The following SAV1 variants were observed in gnomAD, a reference collection of about 807,000 sequenced individuals.
SAV1 encodes the protein protein salvador homolog 1.
Under a neutral mutation model 47.3 loss-of-function variants are expected in SAV1, and 23 were observed. The ratio of observed to expected loss-of-function variants is 0.49; its 90% CI spans 0.35 to 0.69. The LOEUF is 0.69. Among genes scored for constraint, SAV1 ranks in the 30% least tolerant of loss-of-function variants. The pLI is 0.01. For missense variants in SAV1, 448 were observed against 457.4 expected, an observed-to-expected ratio of 0.98 and a Z score of 0.19; for synonymous variants, 155 against 159.2, an observed-to-expected ratio of 0.97 and a Z score of 0.20.
chr14:50,658,264 C>T (rs1393480073), intron 2 of SAV1, among the ~76,000 whole-genome samples: 1 of 152,124 alleles, frequency 6.6e-6, no homozygotes, highest in African/African-American at 2.4e-5. Flanking sequence ...TTTTTGTATC[C>T]TGATTTCTTT....
chr14:50,638,672 C>T (rs185812533), intron 4 of SAV1, among the ~76,000 whole-genome samples: 3 of 152,328 alleles, frequency 2.0e-5, no homozygotes, highest in African/African-American at 7.2e-5. Context: ...CCCTGCCACA[C>T]ACTGCTGAGG....
At chr14:50,651,950 C>T (rs1416984923) in intron 2 of SAV1, among the ~76,000 whole-genome samples, 3 of 152,168 alleles carry the variant, frequency 2.0e-5, no homozygotes, top group African/African-American at 4.8e-5. Context: ...ATAAATTGTA[C>T]TTCCTCATCG....
chr14:50,664,060 C>CT (rs1222152777), intron 2 of SAV1, among the ~76,000 whole-genome samples: 1 of 152,174 alleles, frequency 6.6e-6, no homozygotes, highest in Non-Finnish European at 1.5e-5. Context: ...TGAATCATCT[C>CT]TTTAAGTATT....
intron 1 of SAV1, among the ~76,000 whole-genome samples, chr14:50,665,985 GAT>G (rs1285541715): frequency 6.6e-6 from 1 of 152,122 alleles, no homozygotes; most frequent in African/African-American, 2.4e-5. Flanking sequence ...ATAACAAATT[GAT>G]AGTTTCTAGT....
intron 2 of SAV1, among the ~76,000 whole-genome samples, chr14:50,652,753 G>A (rs1220122795): frequency 6.6e-6 from 1 of 152,230 alleles, no homozygotes; most frequent in African/African-American, 2.4e-5. Context: ...AAAAAAGGCT[G>A]GGCACAGTGG....
chr14:50,666,291 T>C (rs1266386891), intron 1 of SAV1, among the ~76,000 whole-genome samples: 1 of 152,218 alleles, frequency 6.6e-6, no homozygotes, highest in Non-Finnish European at 1.5e-5. Flanking sequence ...CCTGAAACTA[T>C]GTAATTATAA....
intron 2 of SAV1, among the ~76,000 whole-genome samples, chr14:50,656,623 T>C (rs577335662): frequency 9.6e-4 from 146 of 152,126 alleles, no homozygotes; most frequent in Middle Eastern, 3.4e-3. Context: ...TTTGTATTTT[T>C]AGTAGAGACG....
intron 3 of SAV1, among the ~76,000 whole-genome samples, chr14:50,643,151 C>G (rs2039693968): frequency 6.6e-6 from 1 of 152,206 alleles, no homozygotes; most frequent in Non-Finnish European, 1.5e-5. Context: ...TCTTGTTCAA[C>G]TTCTACCAAG....
intron 1 of SAV1, 44 bp downstream of exon 1, chr14:50,667,830 T>A: frequency 6.4e-7 from 1 of 1,563,384 alleles, no homozygotes; most frequent in East Asian, 2.3e-5. Flanking sequence ...CCGGAGCACC[T>A]GGCCGCCTGG....
intron 4 of SAV1, chr14:50,637,663 A>ATTTTTTTTTTTT (rs771403561): frequency 7.8e-6 from 1 of 128,768 alleles, no homozygotes; most frequent in African/African-American, 3.4e-5. Context: ...CAATTTTGTC[A>ATTTTTTTTTTTT]GTTTTTTTTT....
At chr14:50,660,385 T>A (rs1011666301) in intron 2 of SAV1, among the ~76,000 whole-genome samples, 8 of 152,188 alleles carry the variant, frequency 5.3e-5, no homozygotes, top group African/African-American at 1.9e-4. Context: ...CTTGCAATAA[T>A]TAAACTCTTT....
At chr14:50,659,547 T>C (rs922726617) in intron 2 of SAV1, among the ~76,000 whole-genome samples, 1 of 152,260 alleles carries the variant, frequency 6.6e-6, no homozygotes, top group African/African-American at 2.4e-5. Context: ...AACCTGTTTC[T>C]TTTAAAGAAC....
rs1223714927 is a variant in SAV1, at chr14:50,665,603, G to T, written c.111C>A (p.Phe37Leu). 3.7e-6 allele frequency: 6 copies of T among 1,607,164 alleles called. No homozygotes were observed. Among genetic ancestry groups the T allele is most frequent in the Non-Finnish European group, 5.1e-6 (6 of 1,176,526 alleles). The change falls in exon 2 of 5, where the codon TTC becomes TTA. Residue 37 changes from phenylalanine to leucine, a missense_variant. Physicochemically the swap from Phe to Leu is conservative, Grantham distance 22. Transcript: ENST00000324679. ...TTGGAATTGTTGGACCATGCCGGAT[G>T]AATGAAGGCATAAGATCTACAATAA... ...SPLLRNLMPS[F>L]IRHGPTIPRR...
chr14:50,638,760 AATTTT>A (rs1282766246), intron 4 of SAV1, among the ~76,000 whole-genome samples: 4 of 152,042 alleles, frequency 2.6e-5, no homozygotes, highest in African/African-American at 9.7e-5. Context: ...TCAAAGATTA[AATTTT>A]ATTTTATTAT....
intron 1 of SAV1, among the ~76,000 whole-genome samples, chr14:50,666,994 C>T (rs1246140694): frequency 6.6e-6 from 1 of 151,874 alleles, no homozygotes; most frequent in Non-Finnish European, 1.5e-5. Flanking sequence ...ATACTTAAGT[C>T]ACAAGGTTAC....
At chr14:50,636,774 T>C (rs924993938) in intron 4 of SAV1, among the ~76,000 whole-genome samples, 3 of 152,214 alleles carry the variant, frequency 2.0e-5, no homozygotes, top group African/African-American at 4.8e-5. Flanking sequence ...TGCTTCAAAA[T>C]AGTGGTTTTC....
At chr14:50,647,406 C>T (rs1277614053) in intron 2 of SAV1, among the ~76,000 whole-genome samples, 2 of 151,798 alleles carry the variant, frequency 1.3e-5, no homozygotes, top group African/African-American at 2.4e-5. Flanking sequence ...AGAAAACAAC[C>T]CTGAGCCTGC....
rs878897459 is a variant in SAV1, at chr14:50,668,182, A to G, written c.-215T>C. Reference sequence around the variant, plus strand: ...GCCGGCCGCCGCTCAGTCGCTGGTCAGTTCCTTCCCGGAAGTCGGCCCGCT... The same window carrying G: ...GCCGGCCGCCGCTCAGTCGCTGGTCGGTTCCTTCCCGGAAGTCGGCCCGCT... On this transcript the variant is annotated 5_prime_UTR_variant, in exon 1 of 5. Coordinates refer to ENST00000324679, the MANE Select transcript of SAV1 (RefSeq NM_021818.4). The G allele has an allele frequency of 2.1e-5, 6 of 281,310 alleles. No individual in the cohort carries two copies. In the South Asian group the frequency reaches 7.0e-4, roughly 33 times the overall value. 17.4% of individuals were successfully genotyped at this position (281,310 alleles called of 1,614,324 possible).
intron 2 of SAV1, among the ~76,000 whole-genome samples, chr14:50,651,954 C>T (rs2039773188): frequency 1.3e-5 from 2 of 152,140 alleles, no homozygotes; most frequent in African/African-American, 4.8e-5. Flanking sequence ...ATTGTACTTC[C>T]TCATCGGGAA....
Sources: allele counts gnomAD v4.1 joint callset (sites outside exome capture counted in the v4.1 genomes callset), GRCh38; gene constraint gnomAD v4.1.1; transcripts MANE v1.5; gene names NCBI Gene and HGNC (gene_info 2026-07-23, HGNC 2026-07-21).